THEMIS: variants seen among roughly 807,000 people sequenced by gnomAD.
The protein encoded by THEMIS is thymocyte selection associated.
Under a neutral mutation model 52.6 loss-of-function variants are expected in THEMIS, and 37 were observed. That is an observed-to-expected ratio of 0.70 (90% confidence interval 0.54 to 0.93). The LOEUF (loss-of-function observed/expected upper bound fraction) is 0.93. Among genes scored for constraint, THEMIS ranks in the 40% least tolerant of loss-of-function variants. The probability of loss-of-function intolerance (pLI) is 0.00; values close to 1 mark genes in which losing one functional copy is unlikely to be tolerated. For missense variants in THEMIS, 808 were observed against 763.1 expected (o/e 1.06, Z -0.69); for synonymous variants, 292 against 272.7 (o/e 1.07, Z -0.70).
At chr6:127,810,883 A>C (rs1777882069) in intron 4 of THEMIS, among the ~76,000 whole-genome samples, 1 of 151,754 alleles carries the variant, frequency 6.6e-6, no homozygotes, top group African/African-American at 2.4e-5. Flanking sequence ...AAAAAAAAAA[A>C]CTGAGAAAGT....
intron 4 of THEMIS, among the ~76,000 whole-genome samples, chr6:127,760,518 G>A (rs1364494181): frequency 1.3e-5 from 2 of 151,996 alleles, no homozygotes; most frequent in African/African-American, 4.8e-5. Flanking sequence ...CAGCATAGTG[G>A]CTCCACCTGA....
chr6:127,820,447 T>G (rs1778299050), intron 3 of THEMIS, among the ~76,000 whole-genome samples: 1 of 152,092 alleles, frequency 6.6e-6, no homozygotes, highest in African/African-American at 2.4e-5. Context: ...CTCAGGATTT[T>G]AAATGAGAGC....
downstream of THEMIS, among the ~76,000 whole-genome samples, chr6:127,706,506 G>C (rs180948765): frequency 2.7e-3 from 418 of 152,192 alleles, 1 homozygote; most frequent in Non-Finnish European, 4.8e-3. Context: ...CATATTGAGT[G>C]CCAGATATAT....
chr6:127,703,504 T>A (rs1383469620), downstream of THEMIS, among the ~76,000 whole-genome samples: 1 of 152,124 alleles, frequency 6.6e-6, no homozygotes, highest in Non-Finnish European at 1.5e-5. Context: ...AGCTGCAGCT[T>A]CCTGTGTACC....
At chr6:127,841,490 A>G (rs952376108) in intron 2 of THEMIS, among the ~76,000 whole-genome samples, 7 of 152,024 alleles carry the variant, frequency 4.6e-5, no homozygotes, top group African/African-American at 9.7e-5. Flanking sequence ...ATGGAGATAA[A>G]ACATTAATAC....
chr6:127,728,574 C>A (rs1383297058), intron 4 of THEMIS, among the ~76,000 whole-genome samples: 1 of 152,098 alleles, frequency 6.6e-6, no homozygotes, highest in African/African-American at 2.4e-5. Flanking sequence ...CATTCCCTTT[C>A]CATTGTTGTA....
In THEMIS at chr6:127,900,822, A is replaced by G; in HGVS notation, c.91+20T>C. 6.3e-7 allele frequency: 1 copy of G among 1,598,112 alleles called. No homozygotes were observed. Among genetic ancestry groups the G allele is most frequent in the Non-Finnish European group, 8.6e-7 (1 of 1,165,974 alleles). Reference sequence around the variant, plus strand: ...TTTACAAGAATGTTCTAGCCAGTAAAGGTATTGGAGAGTGCTTACCTTCAA... The same window carrying G: ...TTTACAAGAATGTTCTAGCCAGTAAGGGTATTGGAGAGTGCTTACCTTCAA... On this transcript the variant is annotated intron_variant, in intron 1 of 5. Transcript: ENST00000368248.
At chr6:127,879,673 A>T (rs1049566439) in intron 1 of THEMIS, among the ~76,000 whole-genome samples, 14 of 151,186 alleles carry the variant, frequency 9.3e-5, no homozygotes, top group South Asian at 2.1e-4. Context: ...TTGCTTTTTT[A>T]AAAAATGAGC....
intron 2 of THEMIS, among the ~76,000 whole-genome samples, chr6:127,839,780 C>A (rs530847382): frequency 4.6e-5 from 7 of 152,192 alleles, no homozygotes; most frequent in Admixed American, 3.3e-4. Flanking sequence ...CTTATAAGAA[C>A]AACTCTTCCC....
At chr6:127,883,281 T>C (rs1562319682) in intron 1 of THEMIS, among the ~76,000 whole-genome samples, 1 of 151,890 alleles carries the variant, frequency 6.6e-6, no homozygotes, top group Non-Finnish European at 1.5e-5. Context: ...TAAAGTTTAC[T>C]GTAAGTTTTA....
rs189513222 is a variant in THEMIS at position 127,839,217 on chromosome 6, A to C, written c.251-9283T>G. Among the ~76,000 whole-genome samples, 427 of 152,150 alleles carry C rather than the reference A, an allele frequency of 2.8e-3. 1 individual carries two copies. The highest frequency in any genetic ancestry group is 4.6e-3 in the Non-Finnish European group (310 of 67,956). On this transcript the variant is annotated intron_variant, in intron 2 of 5. Transcript: ENST00000368248. ...TTTATAATATTCAGTTTTCTGATTC[A>C]AGCACGTCTATTTTTTAATAAATAA...
At chr6:127,742,313 TAAAA>T in intron 4 of THEMIS, among the ~76,000 whole-genome samples, 1 of 121,232 alleles carries the variant, frequency 8.2e-6, no homozygotes, top group South Asian at 2.8e-4. Flanking sequence ...AGACTCTGCT[TAAAA>T]AAAAAAAAAA....
At chr6:127,902,356 T>A (rs1781163818), upstream of THEMIS, among the ~76,000 whole-genome samples, 2 of 148,390 alleles carry the variant, frequency 1.3e-5, no homozygotes, top group Admixed American at 6.7e-5. Flanking sequence ...TAAAGAATAC[T>A]GGTTGGTATG....
At position 127,784,145 on chromosome 6, in the gene THEMIS, C is replaced by G. The variant is rs546656444; in HGVS notation, c.1758+28738G>C. 3.4e-4 allele frequency among the ~76,000 whole-genome samples: 52 copies of G among 152,194 alleles called. 1 individual carries two copies. The highest frequency in any genetic ancestry group is 1.3e-3 in the African/African-American group (52 of 41,504). ...GCAAACTAATACAGGAAAAGAAAAC[C>G]AAACACCGCATATTGTCACTCATAA... On this transcript the variant is annotated intron_variant, in intron 4 of 5. Coordinates refer to ENST00000368248, the MANE Select transcript of THEMIS (RefSeq NM_001010923.3).
intron 4 of THEMIS, among the ~76,000 whole-genome samples, chr6:127,772,705 T>C (rs1776429235): frequency 6.6e-6 from 1 of 152,104 alleles, no homozygotes; most frequent in Non-Finnish European, 1.5e-5. Context: ...TGCCAACAGA[T>C]TCTAATTCTG....
intron 4 of THEMIS, among the ~76,000 whole-genome samples, chr6:127,771,942 G>A (rs1349901394): frequency 4.6e-5 from 7 of 152,016 alleles, no homozygotes; most frequent in South Asian, 2.1e-4. Context: ...GGAAATGTAC[G>A]ATTTAGTTTT....
chr6:127,788,698 A>G (rs2114514548), intron 4 of THEMIS, among the ~76,000 whole-genome samples: 1 of 152,312 alleles, frequency 6.6e-6, no homozygotes, highest in South Asian at 2.1e-4. Context: ...TATTTCTTTC[A>G]TCATTAAAGA....
At chr6:127,762,574 C>A (rs1776059836) in intron 4 of THEMIS, among the ~76,000 whole-genome samples, 3 of 152,024 alleles carry the variant, frequency 2.0e-5, no homozygotes, top group African/African-American at 7.2e-5. Context: ...AAACTTATTA[C>A]TTCAAGGTCT....
At chr6:127,901,990 A>T (rs1781146162), upstream of THEMIS, among the ~76,000 whole-genome samples, 1 of 151,996 alleles carries the variant, frequency 6.6e-6, no homozygotes, top group African/African-American at 2.4e-5. Context: ...ATATACAATT[A>T]AAGGTGGTAG....
Sources: allele counts gnomAD v4.1 joint callset (sites outside exome capture counted in the v4.1 genomes callset), GRCh38; gene constraint gnomAD v4.1.1; transcripts MANE v1.5; gene names NCBI Gene and HGNC (gene_info 2026-07-23, HGNC 2026-07-21).